Variants in KANK4 observed in about 807,000 individuals in gnomAD.
KANK4 encodes KN motif and ankyrin repeat domains 4.
Under a neutral mutation model 80.8 loss-of-function variants are expected in KANK4, and 50 were observed. The ratio of observed to expected loss-of-function variants is 0.62; its 90% CI spans 0.49 to 0.78. KANK4 has a LOEUF of 0.78. Among genes scored for constraint, KANK4 ranks in the 30% least tolerant of loss-of-function variants. The pLI, the probability that KANK4 is intolerant of heterozygous loss-of-function variation, is 0.00. For synonymous variants in KANK4, 465 were observed against 506.9 expected (o/e 0.92, Z 1.11); for missense variants, 1,196 against 1,240.1 (o/e 0.96, Z 0.53).
rs1389540429 is a variant in KANK4, at chr1:62,247,506, G to A, written c.2849C>T (p.Ala950Val). ...CAGGCTGCTGTCGCAGGCTGGGTGT[G>A]CCAGGAGCAGCCGCACCAGGTCCAC... ...GNVDLVRLLL[A>V]HPACDSSLTD... Residue 950 changes from alanine (A) to valine (V), a missense_variant, in exon 9 of 10, where the codon GCA becomes GTA. This residue lies in a region of KANK4 where 1,154 missense variants were observed against 1,179.6 expected (regional missense o/e 0.98). Transcript: ENST00000371153. 6.2e-7 allele frequency: 1 copy of A among 1,614,000 alleles called. No individual in the cohort carries two copies. The highest frequency in any genetic ancestry group is 2.2e-5 in the East Asian group (1 of 44,864).
rs1192893201 is a variant in KANK4, at chr1:62,263,223, T to C, written c.2408A>G (p.His803Arg). ...GTGTGGGGAGTGAGGCTGGACCTCG[T>C]GGAGGTAGGAGGCCACCACGGCGGG... ...SSPAVVASYL[H>R]EVQPHSPHFL... The change falls in exon 7 of 10, where the codon CAC becomes CGC. Residue 803 changes from histidine to arginine, a missense_variant. This residue lies in a region of KANK4 where 1,154 missense variants were observed against 1,179.6 expected (regional missense o/e 0.98). Coordinates refer to ENST00000371153, the MANE Select transcript of KANK4 (RefSeq NM_181712.5). The C allele has an allele frequency of 6.2e-7, 1 of 1,613,852 alleles. No individual in the cohort carries two copies. The highest frequency in any genetic ancestry group is 2.2e-5 in the East Asian group (1 of 44,850).
chr1:62,266,117 G>A (rs1672012074), intron 6 of KANK4, among the ~76,000 whole-genome samples: 2 of 152,230 alleles, frequency 1.3e-5, no homozygotes, highest in African/African-American at 4.8e-5. Context: ...AAGCCACAGA[G>A]TTTGATGACA....
chr1:62,250,214 C>G (rs532388650), intron 8 of KANK4, among the ~76,000 whole-genome samples: 1 of 152,038 alleles, frequency 6.6e-6, no homozygotes. Flanking sequence ...CCTCAAACTC[C>G]CGACCTCAAG....
intron 1 of KANK4, among the ~76,000 whole-genome samples, chr1:62,318,089 C>G (rs1644557243): frequency 1.3e-5 from 2 of 152,208 alleles, no homozygotes; most frequent in African/African-American, 4.8e-5. Context: ...TTTACCCAAG[C>G]AGGTCCTTGG....
chr1:62,312,135 A>C (rs1269512698), intron 1 of KANK4, among the ~76,000 whole-genome samples: 2 of 152,154 alleles, frequency 1.3e-5, no homozygotes, highest in Non-Finnish European at 2.9e-5. Flanking sequence ...TAATTAATAA[A>C]ATTTTTTAAA....
chr1:62,287,388 A>G (rs889229369), intron 1 of KANK4, among the ~76,000 whole-genome samples: 1 of 152,204 alleles, frequency 6.6e-6, no homozygotes, highest in African/African-American at 2.4e-5. Flanking sequence ...GACACATCAC[A>G]TGTAGCCCTG....
chr1:62,281,939 A>G (rs1361862653), intron 1 of KANK4, among the ~76,000 whole-genome samples: 1 of 152,184 alleles, frequency 6.6e-6, no homozygotes, highest in African/African-American at 2.4e-5. Flanking sequence ...GGTGTCTCAG[A>G]CTATTCGTGA....
chr1:62,318,557 A>G (rs1020666649), intron 1 of KANK4, among the ~76,000 whole-genome samples: 2 of 152,212 alleles, frequency 1.3e-5, no homozygotes, highest in Non-Finnish European at 2.9e-5. Flanking sequence ...GGAGCCCTGG[A>G]AAGTTCAGCC....
intron 1 of KANK4, among the ~76,000 whole-genome samples, chr1:62,318,086 A>C (rs1260934968): frequency 6.6e-6 from 1 of 152,072 alleles, no homozygotes; most frequent in Non-Finnish European, 1.5e-5. Flanking sequence ...TGATTTACCC[A>C]AGCAGGTCCT....
Position 62,262,131 on chromosome 1 carries a change from G to T in KANK4, c.2539+961C>A, listed in dbSNP as rs75865147. 4.2e-3 allele frequency among the ~76,000 whole-genome samples: 646 copies of T among 152,276 alleles called. 28 individuals carry two copies. In the East Asian group the frequency reaches 0.088, roughly 21 times the overall value. ...TTGGTCAAATGGAGCCATGACCTTT[G>T]TTAAAAAGTATCTTCTGAAGATGGG... is the stretch of plus-strand genomic sequence containing the variant. On this transcript the variant is annotated intron_variant, in intron 7 of 9. Coordinates refer to ENST00000371153, the MANE Select transcript of KANK4 (RefSeq NM_181712.5).
intron 8 of KANK4, among the ~76,000 whole-genome samples, chr1:62,252,622 A>C (rs1241655459): frequency 6.6e-6 from 1 of 152,248 alleles, no homozygotes; most frequent in Non-Finnish European, 1.5e-5. Flanking sequence ...TGACCTTGTT[A>C]AAAGGCTTTG....
At chr1:62,240,059 T>C (rs1384801391) in intron 9 of KANK4, among the ~76,000 whole-genome samples, 1 of 152,162 alleles carries the variant, frequency 6.6e-6, no homozygotes, top group Non-Finnish European at 1.5e-5. Flanking sequence ...CAAATGGTAT[T>C]TCTAGTTCTA....
intron 1 of KANK4, among the ~76,000 whole-genome samples, chr1:62,295,781 T>C (rs1280168893): frequency 1.3e-5 from 2 of 152,242 alleles, no homozygotes; most frequent in African/African-American, 4.8e-5. Flanking sequence ...TTAAAAAGAA[T>C]GTGGCCAGCG....
intron 5 of KANK4, among the ~76,000 whole-genome samples, chr1:62,267,470 T>C (rs1672050041): frequency 6.6e-6 from 1 of 152,240 alleles, no homozygotes; most frequent in Admixed American, 6.5e-5. Context: ...GGATTACAGC[T>C]ATAAGCTGTG....
chr1:62,290,925 T>C (rs2149160331), intron 1 of KANK4, among the ~76,000 whole-genome samples: 1 of 152,094 alleles, frequency 6.6e-6, no homozygotes. Context: ...TTTTTTTCTG[T>C]ATTTTTAGTA....
Position 62,268,391 on chromosome 1 carries a change from A to G in KANK4, c.2127T>C (p.Asp709=). The G allele has an allele frequency of 6.2e-7, 1 of 1,614,044 alleles. No individual in the cohort carries two copies. The highest frequency in any genetic ancestry group is 8.5e-7 in the Non-Finnish European group (1 of 1,179,992). Residue 709 remains aspartate (D), a synonymous_variant, in exon 5 of 10, where the codon GAT becomes GAC. Transcript: ENST00000371153. ...CDGPDHKHVK[D]AHLTCEAGQG... ...GCCCAGCCTCGCAGGTGAGATGGGC[A>G]TCTTTGACATGCTTGTGATCTGGGC... is the stretch of plus-strand genomic sequence containing the variant.
intron 5 of KANK4, among the ~76,000 whole-genome samples, chr1:62,267,038 C>A (rs778690997): frequency 2.6e-5 from 4 of 151,850 alleles, no homozygotes; most frequent in Non-Finnish European, 5.9e-5. Context: ...AGTGTGTTGC[C>A]CATTTAATCC....
chr1:62,243,928 A>G (rs74079050), intron 9 of KANK4, among the ~76,000 whole-genome samples: 10,115 of 151,440 alleles, frequency 0.067, 805 homozygotes, highest in African/African-American at 0.19. Flanking sequence ...CTGTCTGTAA[A>G]TGCCATGTTC....
rs1284465980 is a variant in KANK4 at position 62,268,189 on chromosome 1, G to A, written c.2231+98C>T. 1.1e-5 allele frequency: 10 copies of A among 924,832 alleles called. No individual in the cohort carries two copies. The Admixed American group carries it at 2.2e-4, about 20-fold the overall frequency. 57.3% of individuals were successfully genotyped at this position (924,832 alleles called of 1,614,324 possible). ...ACTTAAACAACACTGGCAAATGGAT[G>A]GGTACATGAATGAACAAATGATCGC... On this transcript the variant is annotated intron_variant, in intron 5 of 9. Coordinates refer to ENST00000371153, the MANE Select transcript of KANK4 (RefSeq NM_181712.5).
Sources: gnomAD v4.1 joint callset for allele counts (sites outside exome capture counted in the v4.1 genomes callset) on GRCh38, gnomAD v4.1.1 for gene constraint, gnomAD v4.1.1 regional missense constraint, MANE v1.5 for transcripts, NCBI Gene and HGNC (gene_info 2026-07-23, HGNC 2026-07-21) for gene names.